Variants in RBFOX1 observed in about 807,000 individuals in gnomAD.
RBFOX1 encodes RNA binding protein fox-1 homolog 1.
RBFOX1 carries 8 observed loss-of-function variants against 57.7 expected under a neutral mutation model. That is an observed-to-expected ratio of 0.14 (90% CI 0.08 to 0.25). The LOEUF is 0.25. Ranked by LOEUF, RBFOX1 falls within the 10% of genes least tolerant of loss-of-function variation. The probability of loss-of-function intolerance (pLI) is 1.00; values close to 1 mark genes in which losing one functional copy is unlikely to be tolerated. For synonymous variants in RBFOX1, 326 were observed against 222.4 expected (o/e 1.47, Z -4.15); for missense variants, 611 against 548.5 (o/e 1.11, Z -1.14).
chr16:7,328,423 T>C (rs1028638715), intron 4 of RBFOX1, among the ~76,000 whole-genome samples: 6 of 134,274 alleles, frequency 4.5e-5, no homozygotes, highest in Non-Finnish European at 9.1e-5. Flanking sequence ...GAGGTTGCAG[T>C]GAGCTGAGAT....
chr16:5,456,086 A>G (rs1381522972), intron 1 of RBFOX1, among the ~76,000 whole-genome samples: 2 of 152,150 alleles, frequency 1.3e-5, no homozygotes, highest in Non-Finnish European at 2.9e-5. Context: ...ACAACTAATG[A>G]TAATATTATG....
chr16:6,931,272 T>C (rs1176681213), intron 3 of RBFOX1, among the ~76,000 whole-genome samples: 2 of 120,968 alleles, frequency 1.7e-5, no homozygotes, highest in Non-Finnish European at 3.5e-5. Context: ...AAAAAAAAAA[T>C]CTATCTATCT....
At chr16:6,116,384 T>A (rs2096496042) in intron 1 of RBFOX1, among the ~76,000 whole-genome samples, 1 of 152,198 alleles carries the variant, frequency 6.6e-6, no homozygotes, top group African/African-American at 2.4e-5. Flanking sequence ...AACCTGCACA[T>A]TCTGCACATG....
intron 4 of RBFOX1, among the ~76,000 whole-genome samples, chr16:5,963,485 T>C (rs2059789480): frequency 6.6e-6 from 1 of 152,236 alleles, no homozygotes; most frequent in African/African-American, 2.4e-5. Flanking sequence ...GCTGGAGGTA[T>C]CACACTTCCT....
chr16:6,098,425 T>A (rs2096269585), intron 1 of RBFOX1, among the ~76,000 whole-genome samples: 1 of 152,212 alleles, frequency 6.6e-6, no homozygotes, highest in African/African-American at 2.4e-5. Context: ...TTGCACTGCC[T>A]CCTAAATTAG....
At chr16:7,709,894 G>A in intron 15 of RBFOX1, 1 of 1,074,862 alleles carries the variant, frequency 9.3e-7, no homozygotes, top group Non-Finnish European at 1.1e-6. Context: ...CAAAGCTTTG[G>A]CATGCAGTTT....
chr16:6,687,969 G>A (rs2059681413), intron 3 of RBFOX1, among the ~76,000 whole-genome samples: 1 of 152,204 alleles, frequency 6.6e-6, no homozygotes, highest in Admixed American at 6.5e-5. Context: ...GATGACACAT[G>A]CTAACAAAAC....
At chr16:6,212,446 C>T (rs2097304584) in intron 1 of RBFOX1, among the ~76,000 whole-genome samples, 2 of 151,694 alleles carry the variant, frequency 1.3e-5, no homozygotes, top group Non-Finnish European at 1.5e-5. Flanking sequence ...TGGCTCACCC[C>T]TGTAATCCCA....
At chr16:5,355,132 A>T (rs1350517067) in intron 1 of RBFOX1, among the ~76,000 whole-genome samples, 1 of 152,212 alleles carries the variant, frequency 6.6e-6, no homozygotes, top group Non-Finnish European at 1.5e-5. Context: ...CTTAGCTCAG[A>T]AGAGGTGTGT....
chr16:5,993,842 T>C (rs1041657110), intron 4 of RBFOX1, among the ~76,000 whole-genome samples: 13 of 152,226 alleles, frequency 8.5e-5, no homozygotes, highest in African/African-American at 2.2e-4. Flanking sequence ...TGCTTGTAAT[T>C]AATATAGGAT....
At chr16:6,478,284 G>C (rs1379575068) in intron 2 of RBFOX1, among the ~76,000 whole-genome samples, 1 of 142,760 alleles carries the variant, frequency 7.0e-6, no homozygotes, top group Admixed American at 7.1e-5. Flanking sequence ...GTGCAGTGGC[G>C]TGATCTCAGC....
chr16:7,431,931 C>T (rs532523543), intron 4 of RBFOX1, among the ~76,000 whole-genome samples: 25 of 152,226 alleles, frequency 1.6e-4, no homozygotes, highest in Non-Finnish European at 2.6e-4. Flanking sequence ...CTAGCTAACA[C>T]AAAAGATGAT....
At chr16:6,526,467 C>T (rs1009915179) in intron 2 of RBFOX1, among the ~76,000 whole-genome samples, 1 of 152,134 alleles carries the variant, frequency 6.6e-6, no homozygotes, top group Non-Finnish European at 1.5e-5. Flanking sequence ...ATTCATGCTA[C>T]AGCAATACTT....
At chr16:5,726,229 C>A (rs12597231) in intron 3 of RBFOX1, among the ~76,000 whole-genome samples, 4 of 151,758 alleles carry the variant, frequency 2.6e-5, no homozygotes, top group African/African-American at 9.7e-5. Flanking sequence ...GATGCCTCCC[C>A]GAAATGCAGA....
chr16:7,490,279 T>G (rs1281881807), intron 4 of RBFOX1, among the ~76,000 whole-genome samples: 1 of 152,216 alleles, frequency 6.6e-6, no homozygotes, highest in African/African-American at 2.4e-5. Flanking sequence ...TCATAATAGA[T>G]AAGTGTGCAG....
At chr16:7,343,113 C>T (rs912580656) in intron 4 of RBFOX1, among the ~76,000 whole-genome samples, 5 of 152,200 alleles carry the variant, frequency 3.3e-5, no homozygotes, top group Admixed American at 2.0e-4. Flanking sequence ...TAGGACCACC[C>T]ACACCCCTGT....
intron 1 of RBFOX1, among the ~76,000 whole-genome samples, chr16:6,160,185 G>A (rs1268560667): frequency 3.9e-5 from 6 of 152,128 alleles, no homozygotes; most frequent in African/African-American, 7.2e-5. Context: ...TAAATGCAAG[G>A]GGAACAATTG....
chr16:7,045,512 T>C (rs1242251686), intron 3 of RBFOX1, among the ~76,000 whole-genome samples: 1 of 152,206 alleles, frequency 6.6e-6, no homozygotes, highest in East Asian at 1.9e-4. Context: ...AATATGATAA[T>C]GTGGTGCCAC....
chr16:7,002,558 A>C (rs1392595507), intron 3 of RBFOX1, among the ~76,000 whole-genome samples: 1 of 152,110 alleles, frequency 6.6e-6, no homozygotes, highest in Non-Finnish European at 1.5e-5. Context: ...CTAAAAATAC[A>C]AAAATTTGCT....
Sources: gnomAD v4.1 joint callset for allele counts (sites outside exome capture counted in the v4.1 genomes callset) on GRCh38, gnomAD v4.1.1 for gene constraint, MANE v1.5 for transcripts, NCBI Gene and HGNC (gene_info 2026-07-23, HGNC 2026-07-21) for gene names.